EMSY: variants seen among roughly 807,000 people sequenced by gnomAD.
The protein encoded by EMSY is BRCA2-interacting transcriptional repressor EMSY.
Under a neutral mutation model 134.6 loss-of-function variants are expected in EMSY, and 26 were observed. The observed-to-expected ratio is 0.19, with a 90% CI of 0.14 to 0.27. The LOEUF (loss-of-function observed/expected upper bound fraction) is 0.27. EMSY is among the 10% of genes least tolerant of loss of function. The pLI, the probability that EMSY is intolerant of heterozygous loss-of-function variation, is 1.00. For synonymous variants in EMSY, 579 were observed against 577.8 expected (o/e 1.00, Z -0.03); for missense variants, 1,305 against 1,611.4 (o/e 0.81, Z 3.26).
At chr11:76,461,478 T>C (rs765615402) in intron 6 of EMSY, among the ~76,000 whole-genome samples, 28 of 152,244 alleles carry the variant, frequency 1.8e-4, no homozygotes, top group Non-Finnish European at 2.9e-4. Context: ...GTTTCTCACT[T>C]GATTTTTAAA....
intron 8 of EMSY, among the ~76,000 whole-genome samples, chr11:76,473,121 CT>C (rs1208756802): frequency 6.6e-6 from 1 of 151,996 alleles, no homozygotes; most frequent in African/African-American, 2.4e-5. Context: ...TTTCAAAGGG[CT>C]GTACAAATAT....
At chr11:76,543,435 G>A (rs1951520343) in intron 18 of EMSY, among the ~76,000 whole-genome samples, 1 of 152,170 alleles carries the variant, frequency 6.6e-6, no homozygotes, top group Non-Finnish European at 1.5e-5. Flanking sequence ...AAGCCAACTG[G>A]CTGGAGGTTT....
intron 8 of EMSY, among the ~76,000 whole-genome samples, chr11:76,490,664 A>G (rs1949381331): frequency 6.6e-6 from 1 of 152,172 alleles, no homozygotes; most frequent in Non-Finnish European, 1.5e-5. Context: ...TTTTGCTTCA[A>G]ACTGGTGATT....
intron 7 of EMSY, among the ~76,000 whole-genome samples, chr11:76,467,774 C>T (rs1948411316): frequency 6.6e-6 from 1 of 151,936 alleles, no homozygotes; most frequent in African/African-American, 2.4e-5. Flanking sequence ...GGCGGATCAC[C>T]TGAGGGTAGG....
chr11:76,521,246 T>TA (rs1260829167), intron 11 of EMSY, among the ~76,000 whole-genome samples: 1 of 152,168 alleles, frequency 6.6e-6, no homozygotes, highest in East Asian at 1.9e-4. Flanking sequence ...AGGGACAGAT[T>TA]ATATATTAAT....
At chr11:76,546,487 G>A (rs1951658160) in intron 20 of EMSY, among the ~76,000 whole-genome samples, 190 bp downstream of exon 21, 1 of 152,124 alleles carries the variant, frequency 6.6e-6, no homozygotes, top group Non-Finnish European at 1.5e-5. Context: ...TTATTTTCTG[G>A]AAGAGGATCA....
chr11:76,494,684 TTCC>T, intron 8 of EMSY, among the ~76,000 whole-genome samples: 1 of 94,626 alleles, frequency 1.1e-5, no homozygotes, highest in Non-Finnish European at 2.3e-5. Flanking sequence ...CCTTCCTTCC[TTCC>T]TTCCTTCCTT....
Position 76,539,652 on chromosome 11 carries a change from G to A in EMSY, c.2557+12G>A, listed in dbSNP as rs2136632346. The A allele has an allele frequency of 6.2e-7, 1 of 1,612,204 alleles. No homozygotes were observed. The highest frequency in any genetic ancestry group is 8.5e-7 in the Non-Finnish European group (1 of 1,178,286). On this transcript the variant is annotated intron_variant, in intron 17 of 20. Transcript: ENST00000334736. Reference sequence around the variant, plus strand: ...TTTTCCCCTTCTAGGTAAGTGGTGTGCATCCATTTGTAGTATCACTGAAGG... The same window carrying A: ...TTTTCCCCTTCTAGGTAAGTGGTGTACATCCATTTGTAGTATCACTGAAGG...
intron 6 of EMSY, among the ~76,000 whole-genome samples, chr11:76,463,486 G>T (rs895418991): frequency 6.6e-6 from 1 of 152,060 alleles, no homozygotes; most frequent in Non-Finnish European, 1.5e-5. Context: ...AGCCGGGCGC[G>T]GTGGCGGGTG....
chr11:76,501,895 C>G (rs972463517), intron 9 of EMSY, among the ~76,000 whole-genome samples: 4 of 151,788 alleles, frequency 2.6e-5, no homozygotes, highest in Non-Finnish European at 5.9e-5. Context: ...AGTAAAATTG[C>G]TGAAATTCAA....
chr11:76,508,808 G>T (rs1284006303), intron 9 of EMSY, among the ~76,000 whole-genome samples: 2 of 152,076 alleles, frequency 1.3e-5, no homozygotes, highest in African/African-American at 2.4e-5. Context: ...TCCTTAAACC[G>T]CATGAACCAA....
intron 14 of EMSY, among the ~76,000 whole-genome samples, chr11:76,534,004 T>C (rs1285379767): frequency 6.6e-6 from 1 of 152,180 alleles, no homozygotes; most frequent in African/African-American, 2.4e-5. Context: ...CTTATGATGG[T>C]CAGCTGCTCT....
Position 76,520,970 on chromosome 11 carries a change from T to C in EMSY, c.1685-2185T>C, listed in dbSNP as rs373044183. Among the ~76,000 whole-genome samples the C allele has an allele frequency of 3.9e-5, 6 of 152,324 alleles. 1 individual carries two copies. The South Asian group carries it at 1.2e-3, about 32-fold the overall frequency. On this transcript the variant is annotated intron_variant, in intron 11 of 20. Coordinates refer to ENST00000334736, the Ensembl canonical transcript of EMSY. ...AGAAGAAGAACTTGACATGCCTCTT[T>C]TCATAAGCAGAGGAAATTACAGGAG...
intron 7 of EMSY, among the ~76,000 whole-genome samples, chr11:76,466,766 A>G (rs1948369085): frequency 6.6e-6 from 1 of 152,204 alleles, no homozygotes; most frequent in South Asian, 2.1e-4. Flanking sequence ...TCAAACAAAA[A>G]CTTTGAGAGT....
Position 76,546,406 on chromosome 11 carries a change from A to T in EMSY, c.3774+109A>T, listed in dbSNP as rs974217330. The T allele has an allele frequency of 1.7e-5, 23 of 1,392,424 alleles. No individual in the cohort carries two copies. In the African/African-American group the frequency reaches 3.2e-4, roughly 19 times the overall value. 86.3% of individuals were successfully genotyped at this position (1,392,424 alleles called of 1,614,324 possible). ...AGAATCAAGCCAAGACAGCAGGAAG[A>T]CATAGATATTATCTTTGAGATGGTG... On this transcript the variant is annotated intron_variant, in intron 20 of 20. Transcript: ENST00000334736.
chr11:76,535,808 C>T, intron 14 of EMSY, 87 bp from the exon 16 acceptor site: 1 of 1,073,728 alleles, frequency 9.3e-7, no homozygotes, highest in Non-Finnish European at 1.2e-6. Context: ...GAAAGATAAG[C>T]AAACAGACAA....
At chr11:76,534,775 A>G (rs1951168095) in intron 14 of EMSY, among the ~76,000 whole-genome samples, 1 of 152,056 alleles carries the variant, frequency 6.6e-6, no homozygotes, top group African/African-American at 2.4e-5. Context: ...TATTTGCCCT[A>G]AGCTACAAAG....
chr11:76,499,415 G>A (rs1949773602), intron 9 of EMSY, among the ~76,000 whole-genome samples: 1 of 144,090 alleles, frequency 6.9e-6, no homozygotes, highest in South Asian at 2.3e-4. Flanking sequence ...AGCCTCCCAA[G>A]TAGATGGGAC....
intron 9 of EMSY, among the ~76,000 whole-genome samples, chr11:76,505,326 G>C (rs1156416928): frequency 1.3e-5 from 2 of 150,640 alleles, no homozygotes; most frequent in Admixed American, 6.6e-5. Context: ...CTCCCAAGTA[G>C]CTGGGATTAC....
Sources: allele counts gnomAD v4.1 joint callset (sites outside exome capture counted in the v4.1 genomes callset), GRCh38; gene constraint gnomAD v4.1.1; transcripts MANE v1.5; gene names NCBI Gene and HGNC (gene_info 2026-07-23, HGNC 2026-07-21).